SARNP: variants seen among roughly 807,000 people sequenced by gnomAD.
The protein encoded by SARNP is SAP domain-containing ribonucleoprotein.
Under a neutral mutation model 38.1 loss-of-function variants are expected in SARNP, and 5 were observed. The ratio of observed to expected loss-of-function variants is 0.13; its 90% CI spans 0.07 to 0.28. The LOEUF is 0.28. Among genes scored for constraint, SARNP ranks in the 10% least tolerant of loss-of-function variants. The pLI is 1.00. For missense variants in SARNP, 180 were observed against 243.9 expected (o/e 0.74, Z 1.75); for synonymous variants, 84 against 80.6 (o/e 1.04, Z -0.23).
intron 9 of SARNP, among the ~76,000 whole-genome samples, chr12:55,786,436 GT>G (rs1879496576): frequency 5.4e-5 from 3 of 55,278 alleles, no homozygotes; most frequent in African/African-American, 2.7e-4. Context: ...GTGAGCTTTG[GT>G]TTGTTTGTTT....
chr12:55,794,525 A>C (rs1435927922), intron 6 of SARNP, 138 bp from the exon 7 acceptor site: 2 of 804,896 alleles, frequency 2.5e-6, no homozygotes, highest in Non-Finnish European at 4.2e-6. Flanking sequence ...TAACAACCCC[A>C]TGAAAGAGGT....
At chr12:55,779,767 G>A (rs1311760033) in intron 9 of SARNP, among the ~76,000 whole-genome samples, 1 of 152,024 alleles carries the variant, frequency 6.6e-6, no homozygotes, top group Non-Finnish European at 1.5e-5. Flanking sequence ...CTGAAGCCAC[G>A]AATAGTACCA....
intron 9 of SARNP, among the ~76,000 whole-genome samples, chr12:55,773,119 G>C (rs1031924949): frequency 5.9e-5 from 9 of 152,122 alleles, no homozygotes; most frequent in Admixed American, 4.6e-4. Context: ...GTGAGCACTA[G>C]GAAAACAGAT....
intron 9 of SARNP, among the ~76,000 whole-genome samples, chr12:55,766,537 G>A (rs990321771): frequency 3.6e-5 from 5 of 140,144 alleles, no homozygotes; most frequent in African/African-American, 1.3e-4. Context: ...ATAAACATGA[G>A]AAACAATTGT....
intron 9 of SARNP, among the ~76,000 whole-genome samples, chr12:55,765,266 G>A (rs544538799): frequency 4.1e-4 from 62 of 152,290 alleles, no homozygotes; most frequent in African/African-American, 1.4e-3. Flanking sequence ...GGAATGTGCG[G>A]GCCAGTTTTG....
intron 9 of SARNP, among the ~76,000 whole-genome samples, chr12:55,783,489 A>G (rs913565639): frequency 5.9e-5 from 9 of 152,004 alleles, no homozygotes; most frequent in African/African-American, 9.7e-5. Flanking sequence ...GCCTAAACCA[A>G]TAAGATTCTG....
intron 5 of SARNP, 26 bp downstream of exon 5, chr12:55,795,999 G>A (rs1485532631): frequency 2.0e-6 from 3 of 1,517,452 alleles, no homozygotes; most frequent in Non-Finnish European, 2.7e-6. Context: ...TGTAGAGACT[G>A]TTCTACTAGG....
intron 9 of SARNP, among the ~76,000 whole-genome samples, chr12:55,787,228 T>C (rs1243783014): frequency 7.9e-5 from 8 of 100,714 alleles, no homozygotes; most frequent in Non-Finnish European, 6.5e-5. Flanking sequence ...TGAGAACTTG[T>C]CTCAAAAAAG....
intron 1 of SARNP, among the ~76,000 whole-genome samples, chr12:55,807,198 A>T (rs1365335100): frequency 6.6e-6 from 1 of 152,210 alleles, no homozygotes; most frequent in Non-Finnish European, 1.5e-5. Context: ...TACAAAAATG[A>T]GCGTAGTGAC....
intron 1 of SARNP, among the ~76,000 whole-genome samples, chr12:55,817,429 G>A (rs1172507010): frequency 1.3e-5 from 2 of 152,210 alleles, no homozygotes; most frequent in African/African-American, 2.4e-5. Flanking sequence ...AAGGGTGACG[G>A]ACGATACAAT....
At chr12:55,766,460 A>G (rs1429127087) in intron 9 of SARNP, among the ~76,000 whole-genome samples, 2 of 152,098 alleles carry the variant, frequency 1.3e-5, no homozygotes, top group African/African-American at 2.4e-5. Flanking sequence ...GATGCCAGTA[A>G]TTTCAGTATA....
intron 9 of SARNP, among the ~76,000 whole-genome samples, chr12:55,788,613 A>G (rs148071551): frequency 1.3e-5 from 2 of 152,232 alleles, no homozygotes; most frequent in African/African-American, 4.8e-5. Context: ...CTTGGGTAAC[A>G]TAGCAAAATC....
chr12:55,785,234 A>T (rs1218303814), intron 9 of SARNP, among the ~76,000 whole-genome samples: 1 of 152,194 alleles, frequency 6.6e-6, no homozygotes, highest in Non-Finnish European at 1.5e-5. Context: ...ATGTTATTAG[A>T]GAAGGAAGCT....
chr12:55,765,137 A>T (rs767180901), intron 9 of SARNP, among the ~76,000 whole-genome samples: 92 of 152,304 alleles, frequency 6.0e-4, no homozygotes, highest in Non-Finnish European at 9.8e-4. Context: ...TTTCCATTCA[A>T]TTTAGCACTA....
At chr12:55,790,639 A>G in intron 7 of SARNP, 47 bp from the exon 8 acceptor site, 1 of 1,438,352 alleles carries the variant, frequency 7.0e-7, no homozygotes. Flanking sequence ...AAAGTCATCA[A>G]AGCCAACAGT....
Position 55,760,813 on chromosome 12 carries a change from G to C in SARNP, c.502-173C>G, listed in dbSNP as rs1457644007. 9 of 557,040 alleles carry C rather than the reference G, an allele frequency of 1.6e-5. No homozygotes were observed. The East Asian group carries it at 2.5e-4, about 16-fold the overall frequency. The allele number at this position is 557,040 out of a possible 1,614,324, so 34.5% of individuals were successfully genotyped here. On this transcript the variant is annotated intron_variant, in intron 9 of 10. Coordinates refer to ENST00000336133, the MANE Select transcript of SARNP (RefSeq NM_033082.4). ...AACTGAATAAGCTAGCATATACTAT[G>C]TTGTACCTAGAATGACTAAAAACTT...
chr12:55,786,278 AG>A (rs1277201351), intron 9 of SARNP, among the ~76,000 whole-genome samples: 1 of 152,206 alleles, frequency 6.6e-6, no homozygotes, highest in East Asian at 1.9e-4. Context: ...TAAATTCTGA[AG>A]GAACACAGAC....
chr12:55,805,027 G>T (rs1448936065), intron 1 of SARNP, among the ~76,000 whole-genome samples: 3 of 152,160 alleles, frequency 2.0e-5, no homozygotes, highest in Non-Finnish European at 4.4e-5. Flanking sequence ...ACTTTGGGAG[G>T]CCGAGGCGAG....
intron 4 of SARNP, among the ~76,000 whole-genome samples, chr12:55,800,241 T>C (rs1348326740): frequency 1.3e-5 from 2 of 151,666 alleles, no homozygotes. Context: ...GCATACAGAA[T>C]TGTACAGATT....
Sources: allele counts gnomAD v4.1 joint callset (sites outside exome capture counted in the v4.1 genomes callset), GRCh38; gene constraint gnomAD v4.1.1; transcripts MANE v1.5; gene names NCBI Gene and HGNC (gene_info 2026-07-23, HGNC 2026-07-21).